The following SLC6A3 variants were observed in gnomAD, a reference collection of about 807,000 sequenced individuals.
SLC6A3 encodes the protein solute carrier family 6 member 3.
A neutral mutation model predicts 70.4 loss-of-function variants in SLC6A3; 19 were observed. The ratio of observed to expected loss-of-function variants is 0.27; its 90% CI spans 0.19 to 0.40. The LOEUF (loss-of-function observed/expected upper bound fraction) is 0.40. Ranked by LOEUF, SLC6A3 falls within the 10% of genes least tolerant of loss-of-function variation. The probability of loss-of-function intolerance (pLI) is 1.00; values close to 1 mark genes in which losing one functional copy is unlikely to be tolerated. For missense variants in SLC6A3, 613 were observed against 838.5 expected (o/e 0.73, Z 3.32); for synonymous variants, 368 against 356.6 (o/e 1.03, Z -0.36).
chr5:1,441,323 G>A (rs200205191), intron 3 of SLC6A3, 36 bp downstream of exon 3: 17 of 1,613,350 alleles, frequency 1.1e-5, no homozygotes, highest in East Asian at 8.9e-5. Flanking sequence ...CATGATCCGC[G>A]CTGCGCCAGG....
intron 2 of SLC6A3, 130 bp from the exon 3 acceptor site, chr5:1,441,620 G>A (rs1020209221): frequency 1.9e-6 from 2 of 1,067,740 alleles, no homozygotes; most frequent in Admixed American, 5.0e-5. Context: ...TCTCCAACGG[G>A]AAGTCCCAGG....
Position 1,411,840 on chromosome 5 carries a change from TGCAACATACACACTCAGACACACATAC to T in SLC6A3, c.1157-512_1157-486del, listed in dbSNP as rs2126345303. The stretch of plus-strand genomic sequence containing the variant: ...CATACACACTCAGACACACATACCA[TGCAACATACACACTCAGACACACATAC>T]CATGCAACATACACACTCAGACACA... On this transcript the variant is annotated intron_variant, in intron 8 of 14. Transcript: ENST00000270349. This position sits in a 1 kb window ranked among gnomAD's most constrained non-coding sequence, Gnocchi z 6.5. Among the ~76,000 whole-genome samples the T allele has an allele frequency of 1.4e-5, 2 of 147,446 alleles. 1 individual carries two copies. Among genetic ancestry groups the T allele is most frequent in the African/African-American group, 5.1e-5 (2 of 39,336 alleles).
chr5:1,416,224 G>A, intron 6 of SLC6A3, 23 bp from the exon 7 acceptor site: 2 of 1,590,216 alleles, frequency 1.3e-6, no homozygotes, highest in Non-Finnish European at 1.7e-6. Context: ...AGGGCGGTGA[G>A]AGGCTGTCCC....
Position 1,441,320 on chromosome 5 carries a change from C to T in SLC6A3, c.418+39G>A, listed in dbSNP as rs200300208. ...AAGCTCCAGCGTCACCACCATGATC[C>T]GCGCTGCGCCAGGGTGAAGGGAGGC... On this transcript the variant is annotated intron_variant, in intron 3 of 14. Transcript: ENST00000270349. 217 of 1,613,508 alleles carry T rather than the reference C, an allele frequency of 1.3e-4. 1 individual carries two copies. The highest frequency in any genetic ancestry group is 3.5e-4 in the African/African-American group (26 of 74,924).
In SLC6A3 at chr5:1,438,187, T is replaced by C. The variant is rs534624050; in HGVS notation, c.418+3172A>G. 5.9e-5 allele frequency among the ~76,000 whole-genome samples: 9 copies of C among 152,358 alleles called. No homozygotes were observed. Among genetic ancestry groups the C allele is most frequent in the Admixed American group, 1.3e-4 (2 of 15,308 alleles). The stretch of plus-strand genomic sequence containing the variant: ...GGGTCGAACAGTTCACTTTCTGTGA[T>C]TTGCAATTTTCCTTCCTCACCAGGA... On this transcript the variant is annotated intron_variant, in intron 3 of 14. Transcript: ENST00000270349. The surrounding 1 kb of genome is among the most constrained non-coding windows in gnomAD (Gnocchi z 6.5).
At chr5:1,444,626 C>G (rs1434984994) in intron 1 of SLC6A3, among the ~76,000 whole-genome samples, 1 of 152,224 alleles carries the variant, frequency 6.6e-6, no homozygotes, top group Non-Finnish European at 1.5e-5. Flanking sequence ...GGGTAAAACA[C>G]CCGACGAAGG....
At chr5:1,429,806 T>C (rs540342033) in intron 4 of SLC6A3, among the ~76,000 whole-genome samples, 263 of 152,226 alleles carry the variant, frequency 1.7e-3, no homozygotes, top group Admixed American at 4.2e-3. Context: ...ATGCTAACCC[T>C]GAGAGCTGGG....
At chr5:1,439,250 T>C (rs545234379) in intron 3 of SLC6A3, among the ~76,000 whole-genome samples, 108 of 146,710 alleles carry the variant, frequency 7.4e-4, no homozygotes, top group African/African-American at 2.4e-3. Context: ...TACCTGCAGA[T>C]CCCGCCAAGG....
chr5:1,395,184 C>T (rs559547813), intron 14 of SLC6A3, among the ~76,000 whole-genome samples: 35 of 152,284 alleles, frequency 2.3e-4, no homozygotes, highest in African/African-American at 7.9e-4. Flanking sequence ...GCCTCAGATG[C>T]TCCATCTGAG....
In SLC6A3 at chr5:1,419,723, C is replaced by A. The variant is rs998467008; in HGVS notation, c.927+846G>T. Among the ~76,000 whole-genome samples the A allele has an allele frequency of 2.0e-5, 3 of 152,176 alleles. No homozygotes were observed. The East Asian group carries it at 5.8e-4, about 29-fold the overall frequency. ...TCTTCCTTGGCTCCCGTGGGCCACACGCCTGCTGCACCCATGGCTCCTGTC... is the reference window on the plus strand; with the variant it reads ...TCTTCCTTGGCTCCCGTGGGCCACAAGCCTGCTGCACCCATGGCTCCTGTC... On this transcript the variant is annotated intron_variant, in intron 6 of 14. Transcript: ENST00000270349.
chr5:1,409,573 G>A, intron 10 of SLC6A3, 148 bp downstream of exon 10: 2 of 913,728 alleles, frequency 2.2e-6, no homozygotes, highest in Non-Finnish European at 3.6e-6. Context: ...CCTGTGCACT[G>A]CTACGAGTCA....
rs933551190 is a variant in SLC6A3, at chr5:1,436,963, G to A, written c.419-4265C>T. Among the ~76,000 whole-genome samples, 2 of 152,174 alleles carry A rather than the reference G, an allele frequency of 1.3e-5. No homozygotes were observed. Among genetic ancestry groups the A allele is most frequent in the African/African-American group, 2.4e-5 (1 of 41,434 alleles). On this transcript the variant is annotated intron_variant, in intron 3 of 14. Coordinates refer to ENST00000270349, the MANE Select transcript of SLC6A3 (RefSeq NM_001044.5). This position sits in a 1 kb window ranked among gnomAD's most constrained non-coding sequence, Gnocchi z 5.2. ...TCAAGCAGGTCTTTGGAAGAAAGAC[G>A]GGAGAGGGCCGGGCACGGTGGCTCA...
intron 4 of SLC6A3, among the ~76,000 whole-genome samples, chr5:1,426,602 A>G (rs1207759648): frequency 6.6e-6 from 1 of 152,246 alleles, no homozygotes; most frequent in Admixed American, 6.5e-5. Context: ...TGGAATTGAA[A>G]TATTATTTGG....
intron 1 of SLC6A3, among the ~76,000 whole-genome samples, chr5:1,444,055 T>C (rs1733743034): frequency 6.6e-6 from 1 of 152,170 alleles, no homozygotes; most frequent in African/African-American, 2.4e-5. Context: ...AATCAGCCAC[T>C]GTAAAGAGAG....
At chr5:1,414,212 C>G (rs1464225379) in intron 8 of SLC6A3, among the ~76,000 whole-genome samples, 2 of 151,812 alleles carry the variant, frequency 1.3e-5, no homozygotes, top group Non-Finnish European at 2.9e-5. Flanking sequence ...GCGTGGCAAG[C>G]AAACATCTAG....
At chr5:1,419,394 T>A (rs192654631) in intron 6 of SLC6A3, among the ~76,000 whole-genome samples, 1 of 152,122 alleles carries the variant, frequency 6.6e-6, no homozygotes, top group Non-Finnish European at 1.5e-5. Context: ...TCCACCTAAT[T>A]TCTGACATCT....
At position 1,421,305 on chromosome 5, in the gene SLC6A3, G is replaced by A. The variant is rs936058156; in HGVS notation, c.792+571C>T. ...CAATTCTCCTGCCTCAGCCTCCCAC[G>A]TAGCTGGGATTATAGGCACGTGCCA... On this transcript the variant is annotated intron_variant, in intron 5 of 14. Transcript: ENST00000270349. The surrounding 1 kb of genome is among the most constrained non-coding windows in gnomAD (Gnocchi z 7.2). Among the ~76,000 whole-genome samples, 29 of 151,914 alleles carry A rather than the reference G, an allele frequency of 1.9e-4. No homozygotes were observed. Among genetic ancestry groups the A allele is most frequent in the Admixed American group, 6.5e-4 (10 of 15,270 alleles).
At chr5:1,430,492 G>A (rs1361199703) in intron 4 of SLC6A3, among the ~76,000 whole-genome samples, 1 of 152,182 alleles carries the variant, frequency 6.6e-6, no homozygotes, top group Non-Finnish European at 1.5e-5. Flanking sequence ...AGCAGTTTGA[G>A]AGACCGAACG....
chr5:1,441,753 G>A (rs1008220932), intron 2 of SLC6A3, among the ~76,000 whole-genome samples: 1 of 152,198 alleles, frequency 6.6e-6, no homozygotes, highest in Non-Finnish European at 1.5e-5. Flanking sequence ...AGCACAGGGA[G>A]GCCCTGCCCA....
Sources: allele counts gnomAD v4.1 joint callset (sites outside exome capture counted in the v4.1 genomes callset), GRCh38; gene constraint gnomAD v4.1.1; non-coding constraint Gnocchi (gnomAD v3.1); transcripts MANE v1.5; gene names NCBI Gene and HGNC (gene_info 2026-07-23, HGNC 2026-07-21).